Variants in SPATA45 observed in about 807,000 individuals in gnomAD.
The protein encoded by SPATA45 is spermatogenesis associated 45, also known as spermatogenesis-associated protein 45.
SPATA45 carries 5 observed loss-of-function variants against 7.0 expected under a neutral mutation model. The ratio of observed to expected loss-of-function variants is 0.71; its 90% confidence interval spans 0.37 to 1.50. The LOEUF (loss-of-function observed/expected upper bound fraction) is 1.50, where lower values mean the gene tolerates loss of function less well. Ranked by LOEUF, SPATA45 falls within the 40% of genes most tolerant of loss-of-function variation. SPATA45 has a pLI of 0.03. For missense variants in SPATA45, 111 were observed against 114.9 expected (o/e 0.97, Z 0.16); for synonymous variants, 40 against 38.7 (o/e 1.03, Z -0.13).
chr1:212,836,309 C>A, intron 1 of SPATA45, 122 bp from the exon 2 acceptor site: 1 of 721,950 alleles, frequency 1.4e-6, no homozygotes. Flanking sequence ...ACCACCAAGC[C>A]TCCCACCCCA....
chr1:212,842,573 GT>G (rs1663707113), intron 1 of SPATA45, among the ~76,000 whole-genome samples: 1 of 152,146 alleles, frequency 6.6e-6, no homozygotes, highest in African/African-American at 2.4e-5. Flanking sequence ...TATTTTTTAA[GT>G]AAAAAAGATT....
At chr1:212,838,110 G>C (rs547775182) in intron 1 of SPATA45, among the ~76,000 whole-genome samples, 1 of 151,372 alleles carries the variant, frequency 6.6e-6, no homozygotes, top group African/African-American at 2.4e-5. Context: ...AGACCAGCCT[G>C]TTCAACATGG....
chr1:212,833,770 G>A (rs1386953469), intron 2 of SPATA45, among the ~76,000 whole-genome samples: 2 of 151,668 alleles, frequency 1.3e-5, no homozygotes, highest in Non-Finnish European at 2.9e-5. Context: ...CAGCAATAAG[G>A]CTGTTTTGCT....
chr1:212,841,935 T>G (rs552264965), intron 1 of SPATA45, among the ~76,000 whole-genome samples: 1 of 151,886 alleles, frequency 6.6e-6, no homozygotes, highest in South Asian at 2.1e-4. Flanking sequence ...TTTTTTTGTA[T>G]TTTTAGTAGA....
At chr1:212,835,825 A>G (rs756175113) in intron 2 of SPATA45, 48 bp downstream of exon 2, 38 of 1,502,534 alleles carry the variant, frequency 2.5e-5, no homozygotes, top group Admixed American at 6.4e-5. Flanking sequence ...GACAAGAGCA[A>G]AACTCCATCT....
At chr1:212,831,467 T>C (rs112546939) in intron 2 of SPATA45, among the ~76,000 whole-genome samples, 2,976 of 141,532 alleles carry the variant, frequency 0.021, 109 homozygotes, top group African/African-American at 0.071. Context: ...AGCAAGACTC[T>C]GCCTCTAAAA....
At chr1:212,841,978 C>A (rs113566731) in intron 1 of SPATA45, among the ~76,000 whole-genome samples, 251 of 150,588 alleles carry the variant, frequency 1.7e-3, no homozygotes, top group Non-Finnish European at 3.2e-3. Flanking sequence ...CCAGGCTGGT[C>A]TTGAACTCCT....
intron 1 of SPATA45, among the ~76,000 whole-genome samples, chr1:212,840,469 T>G (rs1663660475): frequency 6.6e-6 from 1 of 152,102 alleles, no homozygotes; most frequent in Non-Finnish European, 1.5e-5. Flanking sequence ...TTTTGTTTTG[T>G]TTTTTTGAGA....
chr1:212,837,200 A>G (rs572596926), intron 1 of SPATA45, among the ~76,000 whole-genome samples: 1 of 151,796 alleles, frequency 6.6e-6, no homozygotes, highest in African/African-American at 2.4e-5. Flanking sequence ...TGATTATAAA[A>G]ATAATACATA....
chr1:212,830,159 A>G lies in SPATA45; in HGVS notation c.*83T>C. The G allele has an allele frequency of 9.8e-7, 1 of 1,020,278 alleles. No homozygotes were observed. Among genetic ancestry groups the G allele is most frequent in the South Asian group, 1.5e-5 (1 of 65,498 alleles). 63.2% of individuals were successfully genotyped at this position (1,020,278 alleles called of 1,614,324 possible). ...TGAATACTTTTGTTTAGCTTTGTTT[A>G]TAATTAATAATTTGTAAATAATTTA... On this transcript the variant is annotated 3_prime_UTR_variant, in exon 3 of 3. Coordinates refer to ENST00000332912, the MANE Select transcript of SPATA45 (RefSeq NM_001024601.3).
At chr1:212,833,503 C>CAAAAAAA (rs35760900) in intron 2 of SPATA45, among the ~76,000 whole-genome samples, 20 of 108,730 alleles carry the variant, frequency 1.8e-4, no homozygotes, top group East Asian at 2.5e-4. Flanking sequence ...TACTAAAATA[C>CAAAAAAA]AAAAAAAAAA....
Position 212,830,400 on chromosome 1 carries a change from G to A in SPATA45, c.278-139C>T, listed in dbSNP as rs1293282589. Reference sequence around the variant, plus strand: ...TAGAAACACCAAATGGGCCGGGTGCGGTGGCTCACACCTGTAATCCCAGCA... The same window carrying A: ...TAGAAACACCAAATGGGCCGGGTGCAGTGGCTCACACCTGTAATCCCAGCA... On this transcript the variant is annotated intron_variant, in intron 2 of 2. Transcript: ENST00000332912. The A allele has an allele frequency of 4.3e-5, 22 of 515,496 alleles. 1 individual carries two copies. The highest frequency in any genetic ancestry group is 2.6e-4 in the African/African-American group (13 of 50,520). The allele number at this position is 515,496 out of a possible 1,614,324, so 31.9% of individuals were successfully genotyped here.
intron 1 of SPATA45, among the ~76,000 whole-genome samples, chr1:212,838,310 A>G (rs1388660653): frequency 2.0e-5 from 3 of 151,294 alleles, no homozygotes; most frequent in East Asian, 1.9e-4. Context: ...TCTAAAAAAA[A>G]AAAAAAAAAT....
rs1468534855 is a variant in SPATA45 at position 212,836,213 on chromosome 1, CA to C, written c.-38-27del. The C allele has an allele frequency of 2.1e-6, 3 of 1,453,246 alleles. No individual in the cohort carries two copies. The African/African-American group carries it at 4.2e-5, about 20-fold the overall frequency. The allele number at this position is 1,453,246 out of a possible 1,614,324, so 90.0% of individuals were successfully genotyped here. A position where few individuals can be genotyped will look rare whatever the true frequency, so the allele number is the denominator to read the frequency against. On this transcript the variant is annotated intron_variant, in intron 1 of 2. Transcript: ENST00000332912. ...CTACAAACAAATGAAAAAATACTTT[CA>C]ATTGTCTTTTTGACTCAGAAGCCAG...
chr1:212,843,230 C>T (rs1184195037), intron 1 of SPATA45, among the ~76,000 whole-genome samples: 5 of 151,154 alleles, frequency 3.3e-5, no homozygotes, highest in Admixed American at 6.6e-5. Context: ...GCAGAGGTTG[C>T]GGTGAGCCAA....
intron 2 of SPATA45, among the ~76,000 whole-genome samples, chr1:212,834,860 A>G (rs1436374872): frequency 1.3e-5 from 2 of 151,692 alleles, no homozygotes; most frequent in Admixed American, 1.3e-4. Context: ...AATTGACGAG[A>G]TAGCAGGTTT....
At position 212,836,087 on chromosome 1, in the gene SPATA45, G is replaced by T. The variant is rs760927990; in HGVS notation, c.63C>A (p.Leu21=). The T allele has an allele frequency of 1.2e-6, 2 of 1,607,522 alleles. No homozygotes were observed. Residue 21 remains leucine (L), a synonymous_variant, in exon 2 of 3, where the codon CTC becomes CTA. Coordinates refer to ENST00000332912, the MANE Select transcript of SPATA45 (RefSeq NM_001024601.3). ...MKKHGVSKQH[L]LEEINKKRES... ...CACGCTTTTTGTTTATCTCCTCCAG[G>T]AGATGTTGTTTGCTTACTCCATGTT...
chr1:212,838,422 C>A (rs980768243), intron 1 of SPATA45, among the ~76,000 whole-genome samples: 2 of 151,430 alleles, frequency 1.3e-5, no homozygotes, highest in Non-Finnish European at 3.0e-5. Flanking sequence ...CTGACCAAAC[C>A]ATGTGTTAGC....
At position 212,843,329 on chromosome 1, in the gene SPATA45, A is replaced by G. The variant is rs1663726676; in HGVS notation, c.-39+4251T>C. Among the ~76,000 whole-genome samples the G allele has an allele frequency of 3.9e-5, 6 of 152,110 alleles. No homozygotes were observed. The South Asian group carries it at 1.2e-3, about 32-fold the overall frequency. Reference sequence around the variant, plus strand: ...AAAGAAAGAAAGAAAAGTAAAGAAAATAATATCCAACTCACAGAGTGTCAT... The same window carrying G: ...AAAGAAAGAAAGAAAAGTAAAGAAAGTAATATCCAACTCACAGAGTGTCAT... On this transcript the variant is annotated intron_variant, in intron 1 of 2. Transcript: ENST00000332912.
Sources: allele counts gnomAD v4.1 joint callset (sites outside exome capture counted in the v4.1 genomes callset), GRCh38; gene constraint gnomAD v4.1.1; transcripts MANE v1.5; gene names NCBI Gene and HGNC (gene_info 2026-07-23, HGNC 2026-07-21).